Variants in CCSER1 observed in about 807,000 individuals in gnomAD.
CCSER1 encodes the protein serine-rich coiled-coil domain-containing protein 1.
A neutral mutation model predicts 82.0 loss-of-function variants in CCSER1; 41 were observed. The observed-to-expected ratio is 0.50, with a 90% CI of 0.39 to 0.65. The LOEUF is 0.65. Among genes scored for constraint, CCSER1 ranks in the 30% least tolerant of loss-of-function variants. The pLI is 0.00. For synonymous variants in CCSER1, 414 were observed against 383.9 expected (o/e 1.08, Z -0.92); for missense variants, 1,119 against 1,064.2 (o/e 1.05, Z -0.72).
At chr4:91,312,425 TG>T (rs67512886) in intron 10 of CCSER1, among the ~76,000 whole-genome samples, 99,226 of 151,444 alleles carry the variant, frequency 0.66, 32,935 homozygotes, top group Admixed American at 0.71. Context: ...ACTGTATATC[TG>T]TGATAGGCTA....
intron 1 of CCSER1, among the ~76,000 whole-genome samples, chr4:90,222,362 C>T (rs1480392250): frequency 1.3e-5 from 2 of 152,130 alleles, no homozygotes; most frequent in African/African-American, 4.8e-5. Context: ...ACTATTCATG[C>T]CACCACATTG....
intron 1 of CCSER1, among the ~76,000 whole-genome samples, chr4:90,192,931 C>G (rs965426656): frequency 6.6e-6 from 1 of 152,020 alleles, no homozygotes; most frequent in African/African-American, 2.4e-5. Context: ...AACAATTTTT[C>G]TTTCCTTTCC....
At chr4:90,690,330 C>T (rs1274841707) in intron 6 of CCSER1, among the ~76,000 whole-genome samples, 2 of 152,012 alleles carry the variant, frequency 1.3e-5, no homozygotes, top group African/African-American at 4.8e-5. Context: ...AATCTGCTTG[C>T]TACCATAAAC....
chr4:90,153,042 C>T (rs58427832), intron 1 of CCSER1, among the ~76,000 whole-genome samples: 1 of 109,676 alleles, frequency 9.1e-6, no homozygotes, highest in Admixed American at 9.9e-5. Flanking sequence ...CCCCTCCCCC[C>T]ACCCCACCAC....
chr4:91,092,716 C>T (rs1724091109), intron 10 of CCSER1, among the ~76,000 whole-genome samples: 1 of 152,150 alleles, frequency 6.6e-6, no homozygotes, highest in Admixed American at 6.5e-5. Flanking sequence ...ATCCACCCTT[C>T]TTTTATTGTT....
intron 7 of CCSER1, among the ~76,000 whole-genome samples, chr4:90,761,737 G>T (rs1380750687): frequency 6.6e-6 from 1 of 152,052 alleles, no homozygotes; most frequent in Non-Finnish European, 1.5e-5. Flanking sequence ...CAGTGCTTTG[G>T]GTTAGGCGTT....
At chr4:91,039,433 G>A (rs1045935806) in intron 9 of CCSER1, among the ~76,000 whole-genome samples, 2 of 151,904 alleles carry the variant, frequency 1.3e-5, no homozygotes, top group Non-Finnish European at 2.9e-5. Context: ...CTTATTATGT[G>A]TTCTGGCTGT....
chr4:91,226,465 ATCT>A, intron 10 of CCSER1, among the ~76,000 whole-genome samples: 1 of 152,116 alleles, frequency 6.6e-6, no homozygotes, highest in East Asian at 1.9e-4. Flanking sequence ...ATGAAAAGTT[ATCT>A]TCTTAAATAC....
rs913752647 is a variant in CCSER1, at chr4:91,481,582, C to T, written c.2218-116990C>T. ...ACATTTTAGTGAGACACAATTTAGC[C>T]CCTAACATGAGGATTGCAAGCTATT... On this transcript the variant is annotated intron_variant, in intron 10 of 10. Transcript: ENST00000509176. Among the ~76,000 whole-genome samples, 21 of 152,050 alleles carry T rather than the reference C, an allele frequency of 1.4e-4. 1 individual carries two copies. Among genetic ancestry groups the T allele is most frequent in the Admixed American group, 1.3e-4 (2 of 15,258 alleles).
In CCSER1 at chr4:91,602,372, A is replaced by C. The variant is rs1764846367; in HGVS notation, c.*3315A>C. ...TAACCATACACCCCTCTCCAGAAAA[A>C]AGTTTTTAAAAATTATTATGATATA... On this transcript the variant is annotated 3_prime_UTR_variant, in exon 11 of 11. Coordinates refer to ENST00000509176, the MANE Select transcript of CCSER1 (RefSeq NM_001145065.2). Among the ~76,000 whole-genome samples the C allele has an allele frequency of 6.6e-6, 1 of 151,914 alleles. No homozygotes were observed. Among genetic ancestry groups the C allele is most frequent in the Non-Finnish European group, 1.5e-5 (1 of 67,910 alleles).
intron 5 of CCSER1, among the ~76,000 whole-genome samples, chr4:90,623,620 A>G (rs1185848422): frequency 2.0e-5 from 3 of 152,150 alleles, no homozygotes; most frequent in Non-Finnish European, 2.9e-5. Context: ...CTAAATGTAA[A>G]TTTTATCTAA....
In CCSER1 at chr4:90,151,489, A is replaced by C. The variant is rs573958509; in HGVS notation, c.-42+23658A>C. On this transcript the variant is annotated intron_variant, in intron 1 of 10. Coordinates refer to ENST00000509176, the MANE Select transcript of CCSER1 (RefSeq NM_001145065.2). ...TTTTAGATCAATCATTTAAAATCAA[A>C]TGTGGATATTCAAGCTACAAAAGAG... Among the ~76,000 whole-genome samples, 5 of 152,150 alleles carry C rather than the reference A, an allele frequency of 3.3e-5. No homozygotes were observed. The South Asian group carries it at 1.0e-3, about 32-fold the overall frequency.
At chr4:91,450,283 T>C (rs564777298) in intron 10 of CCSER1, among the ~76,000 whole-genome samples, 6 of 151,970 alleles carry the variant, frequency 3.9e-5, no homozygotes, top group Non-Finnish European at 7.4e-5. Context: ...AGCAGAGAAT[T>C]ATTCATTCAT....
intron 10 of CCSER1, among the ~76,000 whole-genome samples, chr4:91,305,801 G>A (rs1313249200): frequency 6.6e-6 from 1 of 151,920 alleles, no homozygotes; most frequent in Non-Finnish European, 1.5e-5. Flanking sequence ...TCACAATCAT[G>A]GCAGAAGGCG....
chr4:91,040,651 A>G (rs1040692599), intron 9 of CCSER1, among the ~76,000 whole-genome samples: 2 of 152,200 alleles, frequency 1.3e-5, no homozygotes, highest in Non-Finnish European at 2.9e-5. Flanking sequence ...AGAGCAGACA[A>G]CTGATAGGCC....
intron 10 of CCSER1, among the ~76,000 whole-genome samples, chr4:91,192,815 A>C (rs546410933): frequency 6.6e-6 from 1 of 152,158 alleles, no homozygotes. Context: ...TCTAACCTTA[A>C]TTTTTGTAAT....
intron 10 of CCSER1, among the ~76,000 whole-genome samples, chr4:91,358,909 T>A (rs1019554718): frequency 2.6e-5 from 4 of 152,042 alleles, no homozygotes; most frequent in Non-Finnish European, 5.9e-5. Context: ...AGGGGCTGCC[T>A]CAGCTATCCA....
At chr4:90,670,830 C>T (rs1514737) in intron 6 of CCSER1, among the ~76,000 whole-genome samples, 14,706 of 151,810 alleles carry the variant, frequency 0.097, 1,307 homozygotes, top group African/African-American at 0.24. Flanking sequence ...CTCCTTTATC[C>T]AGGAAGAGGT....
In CCSER1 at chr4:91,411,491, C is replaced by CATATATATATATATATATATATATAT. The variant is rs770013398; in HGVS notation, c.2218-187071_2218-187046dup. ...TAATCACTAAATTTCTGCATATATACATATATATATATATATATATATATA... is the reference window on the plus strand; with the variant it reads ...TAATCACTAAATTTCTGCATATATACATATATATATATATATATATATATATATATATATATATATATATATATATA... On this transcript the variant is annotated intron_variant, in intron 10 of 10. Transcript: ENST00000509176. Among the ~76,000 whole-genome samples, 81 of 53,722 alleles carry CATATATATATATATATATATATATAT rather than the reference C, an allele frequency of 1.5e-3. 7 individuals carry two copies. The highest frequency in any genetic ancestry group is 2.0e-3 in the South Asian group (3 of 1,478). The allele number at this position is 53,722 out of a possible 152,430, so 35.2% of individuals were successfully genotyped here.
Sources: gnomAD v4.1 joint callset for allele counts (sites outside exome capture counted in the v4.1 genomes callset) on GRCh38, gnomAD v4.1.1 for gene constraint, MANE v1.5 for transcripts, NCBI Gene and HGNC (gene_info 2026-07-23, HGNC 2026-07-21) for gene names.